LIN28B: variants seen among roughly 807,000 people sequenced by gnomAD.
LIN28B encodes protein lin-28 homolog B.
Under a neutral mutation model 21.9 loss-of-function variants are expected in LIN28B, and 5 were observed. The observed-to-expected ratio is 0.23, with a 90% CI of 0.12 to 0.48. The LOEUF (loss-of-function observed/expected upper bound fraction) is 0.48, where lower values mean the gene tolerates loss of function less well. Among genes scored for constraint, LIN28B ranks in the 20% least tolerant of loss-of-function variants. The probability of loss-of-function intolerance (pLI) is 0.98; values close to 1 mark genes in which losing one functional copy is unlikely to be tolerated. For synonymous variants in LIN28B, 109 were observed against 111.3 expected, an observed-to-expected ratio of 0.98 and a Z score of 0.13; for missense variants, 245 against 310.5, an observed-to-expected ratio of 0.79 and a Z score of 1.58.
rs947444213 is a variant in LIN28B, at chr6:105,079,006, G to A, written c.*223G>A. On this transcript the variant is annotated 3_prime_UTR_variant, in exon 4 of 4. Transcript: ENST00000345080. ...AATAAGATACTATGTCTGTCAATATGTGCATGTGTGAGAGGGAGAGAGCCT... is the reference window on the plus strand; with the variant it reads ...AATAAGATACTATGTCTGTCAATATATGCATGTGTGAGAGGGAGAGAGCCT... 6.0e-6 allele frequency: 3 copies of A among 498,658 alleles called. No individual in the cohort carries two copies. Among genetic ancestry groups the A allele is most frequent in the African/African-American group, 5.8e-5 (3 of 52,152 alleles). 30.9% of individuals were successfully genotyped at this position (498,658 alleles called of 1,614,324 possible).
intron 2 of LIN28B, among the ~76,000 whole-genome samples, chr6:104,977,194 A>G (rs1293280552): frequency 1.3e-5 from 2 of 151,924 alleles, no homozygotes; most frequent in Non-Finnish European, 2.9e-5. Flanking sequence ...CATATTTCCT[A>G]TTTAAATTGT....
At chr6:105,056,691 C>T (rs76650122) in intron 3 of LIN28B, among the ~76,000 whole-genome samples, 3,546 of 152,210 alleles carry the variant, frequency 0.023, 137 homozygotes, top group African/African-American at 0.08. Flanking sequence ...CCCTTAATTA[C>T]GAATAAGGAG....
chr6:104,981,221 C>T (rs1312021575), intron 2 of LIN28B, among the ~76,000 whole-genome samples: 3 of 151,942 alleles, frequency 2.0e-5, no homozygotes, highest in African/African-American at 7.3e-5. Context: ...TTTTTTTCCT[C>T]CCCTTTTTCT....
At chr6:105,028,809 T>C (rs1289551363) in intron 3 of LIN28B, among the ~76,000 whole-genome samples, 1 of 152,088 alleles carries the variant, frequency 6.6e-6, no homozygotes, top group Non-Finnish European at 1.5e-5. Context: ...AAAGATGATA[T>C]TTACAGCCAC....
upstream of LIN28B, chr6:104,956,991 CT>C: frequency 9.5e-7 from 1 of 1,053,292 alleles, no homozygotes; most frequent in South Asian, 2.0e-5. Context: ...TTGGTTATCT[CT>C]TCCTCTTGCC....
chr6:104,986,634 A>C (rs1450606260), intron 2 of LIN28B, among the ~76,000 whole-genome samples: 1 of 151,974 alleles, frequency 6.6e-6, no homozygotes, highest in Non-Finnish European at 1.5e-5. Context: ...TGAGGTGCTC[A>C]ATTTGTGACA....
intron 2 of LIN28B, among the ~76,000 whole-genome samples, chr6:105,025,679 G>A (rs180909102): frequency 2.9e-4 from 44 of 152,254 alleles, no homozygotes; most frequent in African/African-American, 9.6e-4. Context: ...CTACTCAGAA[G>A]GCTGAGGCTA....
chr6:105,009,002 A>G (rs1165331167), intron 2 of LIN28B, among the ~76,000 whole-genome samples: 2 of 152,228 alleles, frequency 1.3e-5, no homozygotes, highest in Non-Finnish European at 1.5e-5. Context: ...TTCTGTGTCT[A>G]GGACTCACCA....
At chr6:105,000,474 A>G (rs1055266203) in intron 2 of LIN28B, among the ~76,000 whole-genome samples, 1 of 152,140 alleles carries the variant, frequency 6.6e-6, no homozygotes, top group African/African-American at 2.4e-5. Flanking sequence ...ACTTATAAAT[A>G]CCTTTAAAAT....
chr6:104,979,818 A>G (rs779385995), intron 2 of LIN28B, among the ~76,000 whole-genome samples: 1 of 152,234 alleles, frequency 6.6e-6, no homozygotes, highest in Non-Finnish European at 1.5e-5. Context: ...TAGATGAAGT[A>G]TACATCTTTA....
intron 2 of LIN28B, among the ~76,000 whole-genome samples, chr6:104,984,810 G>C (rs1373055764): frequency 6.6e-6 from 1 of 152,188 alleles, no homozygotes; most frequent in Admixed American, 6.5e-5. Context: ...CATTGAGAAT[G>C]TTATGAGTGA....
At chr6:104,970,615 A>G (rs899408500) in intron 2 of LIN28B, among the ~76,000 whole-genome samples, 11 of 152,110 alleles carry the variant, frequency 7.2e-5, no homozygotes, top group African/African-American at 1.9e-4. Context: ...GTAGTTTCTT[A>G]GTTACTTATT....
At chr6:105,063,639 G>GT (rs1488662665) in intron 3 of LIN28B, among the ~76,000 whole-genome samples, 5 of 133,668 alleles carry the variant, frequency 3.7e-5, no homozygotes, top group Non-Finnish European at 7.7e-5. Context: ...CCATCTCGGG[G>GT]GGGGGGGGGA....
chr6:105,078,203 C>A (rs1003114060), intron 3 of LIN28B, among the ~76,000 whole-genome samples: 2 of 152,082 alleles, frequency 1.3e-5, no homozygotes, highest in African/African-American at 4.8e-5. Context: ...TTGTGTCTCA[C>A]ACAACTAAGT....
chr6:105,045,097 A>T (rs1771722206), intron 3 of LIN28B, among the ~76,000 whole-genome samples: 1 of 152,164 alleles, frequency 6.6e-6, no homozygotes, highest in African/African-American at 2.4e-5. Flanking sequence ...AGAAGCAGGT[A>T]ACTAATCACA....
At chr6:105,027,267 G>A (rs537486590) in intron 3 of LIN28B, among the ~76,000 whole-genome samples, 13 of 152,020 alleles carry the variant, frequency 8.6e-5, no homozygotes, top group African/African-American at 1.7e-4. Context: ...AATGATTAGC[G>A]GGCCAGTATG....
At chr6:104,953,974 G>A (rs1250902921), upstream of LIN28B, among the ~76,000 whole-genome samples, 1 of 152,202 alleles carries the variant, frequency 6.6e-6, no homozygotes, top group East Asian at 1.9e-4. Flanking sequence ...TGGAAAAAAA[G>A]TCTGGGAAAA....
intron 3 of LIN28B, among the ~76,000 whole-genome samples, chr6:105,075,089 ATTTTAT>A (rs1488080720): frequency 2.6e-5 from 4 of 152,220 alleles, no homozygotes; most frequent in African/African-American, 9.6e-5. Flanking sequence ...AGCATGAATA[ATTTTAT>A]TTTTTATGTT....
intron 2 of LIN28B, among the ~76,000 whole-genome samples, chr6:105,021,059 A>AT (rs1189853407): frequency 6.6e-6 from 1 of 151,950 alleles, no homozygotes; most frequent in Non-Finnish European, 1.5e-5. Context: ...CTGGCCTATC[A>AT]TTGCACTCTT....
Sources: allele counts gnomAD v4.1 joint callset (sites outside exome capture counted in the v4.1 genomes callset), GRCh38; gene constraint gnomAD v4.1.1; transcripts MANE v1.5; gene names NCBI Gene and HGNC (gene_info 2026-07-23, HGNC 2026-07-21).